The following ZC3H12B variants were observed in gnomAD, a reference collection of about 807,000 sequenced individuals.
The protein encoded by ZC3H12B is probable ribonuclease ZC3H12B.
A neutral mutation model predicts 43.9 loss-of-function variants in ZC3H12B; 7 were observed. The ratio of observed to expected loss-of-function variants is 0.16; its 90% confidence interval spans 0.09 to 0.30. The LOEUF is 0.30. ZC3H12B is among the 10% of genes least tolerant of loss of function. ZC3H12B has a pLI of 1.00. For synonymous variants in ZC3H12B, 222 were observed against 241.7 expected, an observed-to-expected ratio of 0.92 and a Z score of 0.76; for missense variants, 475 against 670.2, an observed-to-expected ratio of 0.71 and a Z score of 3.22.
At chrX:65,090,108 T>A in the ZC3H12B span, among the ~76,000 whole-genome samples, 2 of 112,492 alleles carry the variant, frequency 1.8e-5, no homozygotes, top group East Asian at 2.8e-4. Flanking sequence ...TTATGTACTA[T>A]ATGTAATTGT....
At chrX:65,048,427 C>T in the ZC3H12B span, among the ~76,000 whole-genome samples, 1 of 111,174 alleles carries the variant, frequency 9.0e-6, no homozygotes, top group South Asian at 3.7e-4. Context: ...TGGATAAATA[C>T]TTAGCAGTGG....
chrX:65,050,714 G>A, the ZC3H12B span, among the ~76,000 whole-genome samples: 1 of 111,498 alleles, frequency 9.0e-6, no homozygotes, highest in Admixed American at 9.5e-5. Flanking sequence ...TTAATGTGAT[G>A]TATCATATTA....
At chrX:65,062,310 T>C in the ZC3H12B span, among the ~76,000 whole-genome samples, 1 of 112,424 alleles carries the variant, frequency 8.9e-6, no homozygotes, top group Non-Finnish European at 1.9e-5. Flanking sequence ...GTTTAAGTCT[T>C]TAATCCATCT....
chrX:65,186,261 G>T, the ZC3H12B span: 1 of 110,810 alleles, frequency 9.0e-6, no homozygotes, highest in Admixed American at 9.7e-5. Context: ...GGAGGCCGAG[G>T]TGGGTGGATC....
At chrX:65,330,867 C>G in the ZC3H12B span, 2 of 224,644 alleles carry the variant, frequency 8.9e-6, no homozygotes, top group African/African-American at 2.9e-5. Flanking sequence ...ACTGTTACTG[C>G]CACCATCTCC....
chrX:65,378,568 C>A lies in ZC3H12B; in HGVS notation n.295+9570C>A, dbSNP rs191868428. Among the ~76,000 whole-genome samples, 66 of 112,126 alleles carry A rather than the reference C, an allele frequency of 5.9e-4. 1 individual carries two copies. The East Asian group carries it at 0.014, about 24-fold the overall frequency. ...GAAAGAAAAAAGACTACAAAACAAC[C>A]AGGAAACACATCACAAAATGGCAGG... On this transcript the variant is annotated intron_variant and non_coding_transcript_variant, in intron 2 of 5. Coordinates refer to the ZC3H12B transcript ENST00000617377.
chrX:65,412,964 A>G (rs776926627), intron 3 of ZC3H12B, among the ~76,000 whole-genome samples: 1 of 109,902 alleles, frequency 9.1e-6, no homozygotes, highest in South Asian at 3.9e-4. Flanking sequence ...CAATTCTCTT[A>G]TTATTTTCTC....
chrX:65,171,212 C>T, the ZC3H12B span, among the ~76,000 whole-genome samples: 4 of 110,916 alleles, frequency 3.6e-5, no homozygotes, highest in African/African-American at 6.6e-5. Flanking sequence ...AAGTACAGGT[C>T]GGGTTTCGGT....
the ZC3H12B span, among the ~76,000 whole-genome samples, chrX:65,260,709 T>C: frequency 8.9e-6 from 1 of 111,868 alleles, no homozygotes; most frequent in African/African-American, 3.2e-5. Flanking sequence ...TAAATAAAAG[T>C]AAAATTTCTT....
chrX:65,367,813 A>G (rs2066192951), intron 1 of ZC3H12B, among the ~76,000 whole-genome samples: 1 of 111,218 alleles, frequency 9.0e-6, no homozygotes, highest in Non-Finnish European at 1.9e-5. Context: ...TCTAAATTAC[A>G]CCTCCTGGAT....
chrX:65,217,198 G>A, the ZC3H12B span, among the ~76,000 whole-genome samples: 9 of 112,325 alleles, frequency 8.0e-5, no homozygotes, highest in South Asian at 2.6e-3. Flanking sequence ...GCAAGCGTGC[G>A]TATCCAGGAA....
the ZC3H12B span, among the ~76,000 whole-genome samples, chrX:65,209,637 G>GA: frequency 7.2e-4 from 79 of 109,512 alleles, no homozygotes; most frequent in African/African-American, 2.0e-3. Context: ...GTGTGGTGCT[G>GA]AAAAAAATGT....
the ZC3H12B span, among the ~76,000 whole-genome samples, chrX:65,339,861 G>A: frequency 8.9e-6 from 1 of 111,821 alleles, no homozygotes; most frequent in African/African-American, 3.3e-5. Flanking sequence ...CAGGCCCACG[G>A]CCACCCCCTG....
At chrX:65,453,686 C>T (rs1287617443) in intron 3 of ZC3H12B, among the ~76,000 whole-genome samples, 12 of 108,755 alleles carry the variant, frequency 1.1e-4, no homozygotes, top group African/African-American at 4.0e-4. Context: ...CATGCCACCG[C>T]ACTCGAGCCT....
the ZC3H12B span, among the ~76,000 whole-genome samples, chrX:65,328,810 G>T: frequency 9.8e-6 from 1 of 101,599 alleles, no homozygotes; most frequent in Admixed American, 1.1e-4. Context: ...TTGGTTTTTT[G>T]TCCTTGCGAT....
the ZC3H12B span, among the ~76,000 whole-genome samples, chrX:65,056,279 G>C: frequency 9.0e-6 from 1 of 110,796 alleles, no homozygotes; most frequent in East Asian, 2.8e-4. Flanking sequence ...CAGAGATTCT[G>C]GTATGTTGTG....
the ZC3H12B span, among the ~76,000 whole-genome samples, chrX:65,122,324 C>T: frequency 1.8e-5 from 2 of 110,942 alleles, no homozygotes; most frequent in Non-Finnish European, 3.8e-5. Flanking sequence ...CCTTTACAGA[C>T]AAGCAAATGC....
chrX:65,084,261 C>A, the ZC3H12B span, among the ~76,000 whole-genome samples: 1 of 111,407 alleles, frequency 9.0e-6, no homozygotes, highest in Admixed American at 9.5e-5. Context: ...AACAAATGAT[C>A]ACATCAAATT....
the ZC3H12B span, among the ~76,000 whole-genome samples, chrX:65,328,899 T>G: frequency 9.1e-6 from 1 of 110,188 alleles, no homozygotes; most frequent in African/African-American, 3.3e-5. Flanking sequence ...TATGGCTACA[T>G]AGTATTCCAT....
Sources: allele counts gnomAD v4.1 joint callset (sites outside exome capture counted in the v4.1 genomes callset), GRCh38; gene constraint gnomAD v4.1.1; transcripts MANE v1.5; gene names NCBI Gene and HGNC (gene_info 2026-07-23, HGNC 2026-07-21).